The following ADSS1 variants were observed in gnomAD, a reference collection of about 807,000 sequenced individuals.
ADSS1 encodes adenylosuccinate synthetase isozyme 1.
Under a neutral mutation model 59.1 loss-of-function variants are expected in ADSS1, and 57 were observed. The observed-to-expected ratio is 0.97, with a 90% confidence interval of 0.78 to 1.20. The LOEUF (loss-of-function observed/expected upper bound fraction) is 1.20. Ranked by LOEUF, ADSS1 falls within the 50% of genes most tolerant of loss-of-function variation. ADSS1 has a pLI of 0.00. For synonymous variants in ADSS1, 247 were observed against 249.4 expected, an observed-to-expected ratio of 0.99 and a Z score of 0.09; for missense variants, 603 against 610.3, an observed-to-expected ratio of 0.99 and a Z score of 0.13.
intron 1 of ADSS1, among the ~76,000 whole-genome samples, chr14:104,733,832 C>T (rs1222176127): frequency 1.3e-5 from 2 of 152,156 alleles, no homozygotes; most frequent in African/African-American, 4.8e-5. Flanking sequence ...CCCCGCAACC[C>T]CACCGGGACC....
At chr14:104,739,923 C>G (rs1489634928) in intron 5 of ADSS1, 107 bp downstream of exon 5, 2 of 1,185,378 alleles carry the variant, frequency 1.7e-6, no homozygotes, top group Non-Finnish European at 2.4e-6. Context: ...GTACCTCAAC[C>G]CACTCAAAGC....
At chr14:104,742,955 G>A in intron 9 of ADSS1, 112 bp from the exon 10 acceptor site, 1 of 1,503,376 alleles carries the variant, frequency 6.7e-7, no homozygotes, top group Non-Finnish European at 9.1e-7. Context: ...GTGGAGGCGG[G>A]GCACCCTCAG....
intron 8 of ADSS1, 92 bp from the exon 9 acceptor site, chr14:104,741,755 GC>G: frequency 1.3e-6 from 2 of 1,529,740 alleles, no homozygotes; most frequent in Non-Finnish European, 8.9e-7. Flanking sequence ...GGTTTGAACT[GC>G]CCACTGCCCT....
Position 104,726,996 on chromosome 14 carries a change from A to G in ADSS1, c.192+2534A>G, listed in dbSNP as rs566608276. On this transcript the variant is annotated intron_variant, in intron 1 of 12. Transcript: ENST00000330877. ...GGCTCTGCCTGCTGCTGACGCCTGC[A>G]CCAGCAGAGCCATCACTTCGAGCCC... Among the ~76,000 whole-genome samples the G allele has an allele frequency of 1.8e-3, 267 of 152,172 alleles. 1 individual carries two copies. Among genetic ancestry groups the G allele is most frequent in the African/African-American group, 5.7e-3 (235 of 41,534 alleles).
chr14:104,729,586 G>C (rs141889499), intron 1 of ADSS1: 838 of 69,178 alleles, frequency 0.012, 20 homozygotes, highest in Admixed American at 0.026. Flanking sequence ...GCGTCGGCGT[G>C]GTGGGGAGGA....
intron 2 of ADSS1, chr14:104,738,099 C>T (rs1317749356): frequency 5.3e-5 from 15 of 282,694 alleles, no homozygotes; most frequent in Non-Finnish European, 8.9e-5. Context: ...CAGGTTCAAG[C>T]GATTCTCCTG....
At chr14:104,727,248 C>T (rs898716801) in intron 1 of ADSS1, among the ~76,000 whole-genome samples, 9 of 152,142 alleles carry the variant, frequency 5.9e-5, no homozygotes, top group African/African-American at 2.2e-4. Flanking sequence ...CTTGGGTCCA[C>T]CTTTAGGACC....
At chr14:104,735,673 C>T (rs552961291) in intron 2 of ADSS1, among the ~76,000 whole-genome samples, 1 of 152,302 alleles carries the variant, frequency 6.6e-6, no homozygotes, top group Admixed American at 6.5e-5. Flanking sequence ...GACCTCCTTC[C>T]ACATCGCCTG....
chr14:104,724,464 T>C lies in ADSS1; in HGVS notation c.192+2T>C. On this transcript the variant is annotated splice_donor_variant, in intron 1 of 12. Transcript: ENST00000330877. LOFTEE classifies it high-confidence loss of function. Reference sequence around the variant, plus strand: ...GCCGACATCATCAGCCGCTGCCAGGTGCGGGCTGGGGCGCCGGGTCCCTCC... The same window carrying C: ...GCCGACATCATCAGCCGCTGCCAGGCGCGGGCTGGGGCGCCGGGTCCCTCC... 27 of 1,245,206 alleles carry C rather than the reference T, an allele frequency of 2.2e-5. No individual in the cohort carries two copies. The highest frequency in any genetic ancestry group is 2.7e-5 in the Non-Finnish European group (27 of 991,112). 77.1% of individuals were successfully genotyped at this position (1,245,206 alleles called of 1,614,324 possible).
chr14:104,734,189 G>A (rs951984705), intron 1 of ADSS1, among the ~76,000 whole-genome samples: 14 of 152,232 alleles, frequency 9.2e-5, no homozygotes, highest in Admixed American at 6.5e-5. Flanking sequence ...TGGGACTGGA[G>A]TGTCCCTGTA....
Position 104,730,235 on chromosome 14 carries a change from T to C in ADSS1, c.193-4785T>C, listed in dbSNP as rs1195871485. On this transcript the variant is annotated intron_variant, in intron 1 of 12. Transcript: ENST00000330877. ...GCGGGTGGGTGCGGTGGCGTACATCTGTAACTCCAGCACTTTGGGAGGCCG... is the reference window on the plus strand; with the variant it reads ...GCGGGTGGGTGCGGTGGCGTACATCCGTAACTCCAGCACTTTGGGAGGCCG... The C allele has an allele frequency of 5.4e-6, 8 of 1,475,496 alleles. No individual in the cohort carries two copies. In the Admixed American group the frequency reaches 6.7e-5, roughly 12 times the overall value. The allele number at this position is 1,475,496 out of a possible 1,614,324, so 91.4% of individuals were successfully genotyped here.
rs938611846 is a variant in ADSS1, at chr14:104,740,444, C to T, written c.477-157C>T. 2.6e-5 allele frequency among the ~76,000 whole-genome samples: 4 copies of T among 152,134 alleles called. No homozygotes were observed. Among genetic ancestry groups the T allele is most frequent in the Admixed American group, 6.5e-5 (1 of 15,280 alleles). On this transcript the variant is annotated intron_variant, in intron 5 of 12. Transcript: ENST00000330877. This position sits in a 1 kb window ranked among gnomAD's most constrained non-coding sequence, Gnocchi z 4.8. ...CCATACCAGTACATCCATGCTAGTG[C>T]GTACACCCACACACGCACACACTCA... is the stretch of plus-strand genomic sequence containing the variant.
intron 11 of ADSS1, 101 bp from the exon 12 acceptor site, chr14:104,746,135 G>A: frequency 6.8e-7 from 1 of 1,471,696 alleles, no homozygotes; most frequent in Non-Finnish European, 9.1e-7. Flanking sequence ...GAGTCCCTAG[G>A]CAAGGAGGCC....
chr14:104,746,422 C>G, intron 12 of ADSS1, 37 bp downstream of exon 12: 3 of 1,588,098 alleles, frequency 1.9e-6, no homozygotes, highest in Admixed American at 1.7e-5. Context: ...CTCCCTGCAC[C>G]CTGGATGCCC....
At chr14:104,743,371 G>C in intron 10 of ADSS1, 180 bp downstream of exon 10, 5 of 906,084 alleles carry the variant, frequency 5.5e-6, no homozygotes, top group Non-Finnish European at 8.1e-6. Context: ...GCCTGTGCAG[G>C]GTGTGTTGGA....
chr14:104,735,487 G>A (rs1291196243), intron 2 of ADSS1, among the ~76,000 whole-genome samples: 2 of 152,218 alleles, frequency 1.3e-5, no homozygotes, highest in Non-Finnish European at 2.9e-5. Context: ...GTGCATACCT[G>A]TGAGTGAGTA....
Position 104,728,461 on chromosome 14 carries a change from C to T in ADSS1, c.192+3999C>T, listed in dbSNP as rs80037072. On this transcript the variant is annotated intron_variant, in intron 1 of 12. Coordinates refer to ENST00000330877, the MANE Select transcript of ADSS1 (RefSeq NM_152328.5). The stretch of plus-strand genomic sequence containing the variant: ...TTCTGTCCCAGACCTCACCCCACTA[C>T]CAAAAGGGGCAGAGAACAATTCCTT... Among the ~76,000 whole-genome samples the T allele has an allele frequency of 7.7e-4, 117 of 152,280 alleles. 2 individuals are homozygous for T. The East Asian group carries it at 0.021, about 27-fold the overall frequency.
In ADSS1 at chr14:104,746,993, A is replaced by G. The variant is rs957469815; in HGVS notation, c.1364A>G (p.Gln455Arg). Reference protein sequence around the residue: ...GVGKSRESMIQLF With the variant: ...GVGKSRESMIRLF ...GGCAAGTCAAGAGAGTCGATGATCC[A>G]GCTGTTTTAGTCACAGACTGAGCTG... Residue 455 changes from glutamine (Q) to arginine (R), a missense_variant, in exon 13 of 13, where the codon CAG becomes CGG. By Grantham distance (43) the Gln-to-Arg change is conservative. Coordinates refer to ENST00000330877, the MANE Select transcript of ADSS1 (RefSeq NM_152328.5). 3.7e-6 allele frequency: 6 copies of G among 1,613,964 alleles called. No homozygotes were observed. The African/African-American group carries it at 6.7e-5, about 18-fold the overall frequency.
intron 1 of ADSS1, among the ~76,000 whole-genome samples, chr14:104,725,419 G>T (rs1011789776): frequency 1.3e-5 from 2 of 152,160 alleles, no homozygotes; most frequent in African/African-American, 2.4e-5. Context: ...CCCCCGCACC[G>T]TCCCTTCTCC....
Sources: gnomAD v4.1 joint callset for allele counts (sites outside exome capture counted in the v4.1 genomes callset) on GRCh38, gnomAD v4.1.1 for gene constraint, Gnocchi (gnomAD v3.1) non-coding constraint, MANE v1.5 for transcripts, NCBI Gene and HGNC (gene_info 2026-07-23, HGNC 2026-07-21) for gene names.